KCTD1: variants seen among roughly 807,000 people sequenced by gnomAD.
The protein encoded by KCTD1 is potassium channel tetramerization domain containing 1.
KCTD1 carries 24 observed loss-of-function variants against 66.0 expected under a neutral mutation model. The ratio of observed to expected loss-of-function variants is 0.36; its 90% CI spans 0.26 to 0.51. The LOEUF (loss-of-function observed/expected upper bound fraction) is 0.51. KCTD1 is among the 20% of genes least tolerant of loss of function. KCTD1 has a pLI of 0.95. For synonymous variants in KCTD1, 511 were observed against 517.2 expected (o/e 0.99, Z 0.16); for missense variants, 943 against 1,205.2 (o/e 0.78, Z 3.22).
chr18:26,574,893 G>A (rs557368465), intron 1 of KCTD1, among the ~76,000 whole-genome samples: 1 of 152,188 alleles, frequency 6.6e-6, no homozygotes, highest in South Asian at 2.1e-4. Context: ...GCTAGGACAA[G>A]CAACCCTCAA....
At chr18:26,640,913 C>T (rs374297946), upstream of KCTD1, among the ~76,000 whole-genome samples, 13 of 152,110 alleles carry the variant, frequency 8.5e-5, no homozygotes, top group African/African-American at 2.4e-4. Flanking sequence ...AGGACAAGGA[C>T]GGCAGAGTTG....
chr18:26,558,055 A>G (rs1023744754), intron 1 of KCTD1, among the ~76,000 whole-genome samples: 4 of 152,238 alleles, frequency 2.6e-5, no homozygotes, highest in Non-Finnish European at 5.9e-5. Context: ...GAGAGCTCAG[A>G]CATCGGGAGA....
upstream of KCTD1, among the ~76,000 whole-genome samples, chr18:26,633,770 G>A (rs962995664): frequency 6.6e-6 from 1 of 152,150 alleles, no homozygotes; most frequent in African/African-American, 2.4e-5. Flanking sequence ...ATTTACCATC[G>A]TTAGGGAAAT....
At chr18:26,622,706 C>T (rs1199948211) in intron 1 of KCTD1, among the ~76,000 whole-genome samples, 5 of 151,804 alleles carry the variant, frequency 3.3e-5, no homozygotes, top group Non-Finnish European at 7.4e-5. Flanking sequence ...GGGAAGATGA[C>T]ATTTAAGTTG....
upstream of KCTD1, chr18:26,549,181 G>A (rs1008260216): frequency 1.0e-6 from 1 of 985,904 alleles, no homozygotes; most frequent in Non-Finnish European, 1.2e-6. Flanking sequence ...CCGCGGCCAG[G>A]GCGCAGCGGG....
intron 1 of KCTD1, among the ~76,000 whole-genome samples, chr18:26,556,539 C>T (rs1985711770): frequency 6.6e-6 from 1 of 152,194 alleles, no homozygotes; most frequent in Non-Finnish European, 1.5e-5. Flanking sequence ...TCATTCTTTT[C>T]TGATTATAAA....
intron 1 of KCTD1, among the ~76,000 whole-genome samples, chr18:26,529,061 C>T (rs1043524503): frequency 1.3e-5 from 2 of 152,178 alleles, no homozygotes; most frequent in Non-Finnish European, 2.9e-5. Context: ...ACATTTCCAC[C>T]TAGTCACACC....
intron 1 of KCTD1, among the ~76,000 whole-genome samples, chr18:26,507,421 A>C (rs1263579326): frequency 6.6e-6 from 1 of 152,156 alleles, no homozygotes; most frequent in Non-Finnish European, 1.5e-5. Context: ...CGAGGCTAGA[A>C]TGGAGTGGTG....
At chr18:26,492,620 T>A in intron 2 of KCTD1, among the ~76,000 whole-genome samples, 1 of 134,074 alleles carries the variant, frequency 7.5e-6, no homozygotes, top group African/African-American at 3.8e-5. Context: ...AATAAATAAA[T>A]AAATAAATAA....
At chr18:26,463,814 G>A (rs886889272) in intron 3 of KCTD1, among the ~76,000 whole-genome samples, 7 of 152,222 alleles carry the variant, frequency 4.6e-5, no homozygotes, top group African/African-American at 1.7e-4. Flanking sequence ...CGGGATTACA[G>A]GCGTGAGCCA....
intron 1 of KCTD1, among the ~76,000 whole-genome samples, chr18:26,599,144 T>A (rs750674550): frequency 5.3e-5 from 8 of 152,274 alleles, no homozygotes; most frequent in Non-Finnish European, 1.2e-4. Flanking sequence ...GAATTAGTTA[T>A]GATCTTTTTT....
At chr18:26,479,269 G>A (rs1209843629) in intron 2 of KCTD1, among the ~76,000 whole-genome samples, 2 of 152,178 alleles carry the variant, frequency 1.3e-5, no homozygotes, top group African/African-American at 4.8e-5. Flanking sequence ...GACCAGAGGA[G>A]ACGAAAAGCT....
intron 1 of KCTD1, among the ~76,000 whole-genome samples, chr18:26,572,164 A>G (rs1199039097): frequency 6.6e-6 from 1 of 151,328 alleles, no homozygotes; most frequent in African/African-American, 2.4e-5. Context: ...GGTTCAAGTG[A>G]TTCTCCTGCC....
At chr18:26,633,067 C>A (rs568528145), upstream of KCTD1, among the ~76,000 whole-genome samples, 1 of 151,796 alleles carries the variant, frequency 6.6e-6, no homozygotes, top group South Asian at 2.1e-4. Context: ...AATTACCTTA[C>A]GCAACATGAG....
chr18:26,582,999 C>CA (rs1330694519), intron 1 of KCTD1, among the ~76,000 whole-genome samples: 1 of 151,274 alleles, frequency 6.6e-6, no homozygotes, highest in Non-Finnish European at 1.5e-5. Flanking sequence ...AGAATATAAA[C>CA]AAAAAACATT....
At chr18:26,463,349 T>C (rs1980540495) in intron 3 of KCTD1, among the ~76,000 whole-genome samples, 2 of 151,704 alleles carry the variant, frequency 1.3e-5, no homozygotes, top group Admixed American at 1.3e-4. Context: ...CCAGCTAAGT[T>C]GAGGCTGCAG....
intron 1 of KCTD1, among the ~76,000 whole-genome samples, chr18:26,520,603 G>A (rs1424571823): frequency 6.6e-6 from 1 of 152,148 alleles, no homozygotes; most frequent in Non-Finnish European, 1.5e-5. Context: ...GATAAGGGAT[G>A]AGGAAATTTG....
intron 1 of KCTD1, among the ~76,000 whole-genome samples, chr18:26,559,389 C>G (rs956322837): frequency 2.0e-5 from 3 of 152,038 alleles, no homozygotes; most frequent in Non-Finnish European, 4.4e-5. Context: ...CTACTATGTA[C>G]CCACAAAAAA....
intron 1 of KCTD1, among the ~76,000 whole-genome samples, chr18:26,646,266 T>G (rs1041200551): frequency 1.3e-5 from 2 of 152,206 alleles, no homozygotes; most frequent in Admixed American, 1.3e-4. Flanking sequence ...CTTTGTCAAG[T>G]TGTTAGGGGG....
Sources: gnomAD v4.1 joint callset for allele counts (sites outside exome capture counted in the v4.1 genomes callset) on GRCh38, gnomAD v4.1.1 for gene constraint, MANE v1.5 for transcripts, NCBI Gene and HGNC (gene_info 2026-07-23, HGNC 2026-07-21) for gene names.